Variants in MRPS6 observed in about 807,000 individuals in gnomAD.
MRPS6 encodes the protein mitochondrial ribosomal protein S6, also known as small ribosomal subunit protein bS6m.
A neutral mutation model predicts 13.1 loss-of-function variants in MRPS6; 6 were observed. That is an observed-to-expected ratio of 0.46 (90% CI 0.25 to 0.91). MRPS6 has a LOEUF of 0.91. MRPS6 is among the 40% of genes least tolerant of loss of function. The pLI is 0.18. For missense variants in MRPS6, 164 were observed against 155.6 expected (o/e 1.05, Z -0.29); for synonymous variants, 61 against 56.5 (o/e 1.08, Z -0.36).
intron 1 of MRPS6, chr21:34,106,089 T>A (rs543331053): frequency 1.8e-5 from 18 of 999,276 alleles, no homozygotes; most frequent in Non-Finnish European, 2.1e-5. Flanking sequence ...CTGTGTGTTA[T>A]TTTGCCAGCT....
chr21:34,099,578 C>A (rs575825619), intron 1 of MRPS6: 4 of 999,238 alleles, frequency 4.0e-6, no homozygotes, highest in Non-Finnish European at 4.8e-6. Flanking sequence ...CCATATCCAG[C>A]GTAAATGAAT....
intron 1 of MRPS6, among the ~76,000 whole-genome samples, chr21:34,091,419 T>G (rs1455380822): frequency 6.6e-6 from 1 of 152,166 alleles, no homozygotes; most frequent in Non-Finnish European, 1.5e-5. Flanking sequence ...AGTTCCAGAA[T>G]AAGTTTCTGG....
At chr21:34,132,190 G>A (rs1390695386) in intron 2 of MRPS6, among the ~76,000 whole-genome samples, 1 of 152,202 alleles carries the variant, frequency 6.6e-6, no homozygotes, top group Non-Finnish European at 1.5e-5. Context: ...AAGAGGTCGG[G>A]AGGGGGTTGG....
intron 1 of MRPS6, among the ~76,000 whole-genome samples, chr21:34,088,987 G>A (rs774944677): frequency 2.0e-5 from 3 of 152,004 alleles, no homozygotes; most frequent in Non-Finnish European, 4.4e-5. Context: ...CAAATGTTTG[G>A]TTAAGATTAC....
At chr21:34,074,352 C>G (rs1270712547) in intron 1 of MRPS6, among the ~76,000 whole-genome samples, 4 of 152,202 alleles carry the variant, frequency 2.6e-5, no homozygotes, top group African/African-American at 4.8e-5. Context: ...TTTGACTTTT[C>G]TTTTTCTGAC....
At position 34,142,587 on chromosome 21, in the gene MRPS6, AGAG is replaced by A; in HGVS notation, c.368_370del (p.Arg123del). 1 of 1,602,488 alleles carries A rather than the reference AGAG, an allele frequency of 6.2e-7. No individual in the cohort carries two copies. On this transcript the variant is annotated inframe_deletion, in exon 3 of 3. Transcript: ENST00000399312. Reference sequence around the variant, plus strand: ...GCAGAAAAATTATATTCCACAAAGAAGAGGAAGAAGTGAGAAGATTCGCCAGAT... The same window carrying A: ...GCAGAAAAATTATATTCCACAAAGAAGAAGAAGTGAGAAGATTCGCCAGAT...
At chr21:34,074,257 C>T (rs1989267254) in intron 1 of MRPS6, among the ~76,000 whole-genome samples, 1 of 151,848 alleles carries the variant, frequency 6.6e-6, no homozygotes, top group African/African-American at 2.4e-5. Context: ...ACGTCCGCGC[C>T]CAATAAAGCG....
At chr21:34,092,290 T>G (rs1194237780) in intron 1 of MRPS6, among the ~76,000 whole-genome samples, 1 of 152,332 alleles carries the variant, frequency 6.6e-6, no homozygotes, top group African/African-American at 2.4e-5. Flanking sequence ...TTGACCTGTT[T>G]TTGGTTTTGT....
At chr21:34,082,512 G>T (rs1989482077) in intron 1 of MRPS6, among the ~76,000 whole-genome samples, 1 of 152,032 alleles carries the variant, frequency 6.6e-6, no homozygotes. Context: ...GGCATGCAAA[G>T]ATTGCTTTGC....
chr21:34,136,050 G>T, intron 2 of MRPS6: 1 of 255,914 alleles, frequency 3.9e-6, no homozygotes. Context: ...ACCACTGCTG[G>T]TGCTGTCTCC....
chr21:34,126,154 A>G (rs1047852448), intron 2 of MRPS6, among the ~76,000 whole-genome samples: 1 of 151,898 alleles, frequency 6.6e-6, no homozygotes, highest in Non-Finnish European at 1.5e-5. Context: ...GTCCAAGAGT[A>G]GAAGAGTCAG....
At chr21:34,102,115 A>G (rs1169495302) in intron 1 of MRPS6, 7 of 1,000,010 alleles carry the variant, frequency 7.0e-6, no homozygotes, top group Non-Finnish European at 6.0e-6. Context: ...TCTTCTGTCA[A>G]GGTCACTTAA....
chr21:34,101,286 C>G (rs1459554299), intron 1 of MRPS6: 1 of 1,000,192 alleles, frequency 1.0e-6, no homozygotes, highest in East Asian at 1.1e-4. Context: ...TTAAACTCCT[C>G]CCCATATAAA....
Position 34,073,677 on chromosome 21 carries a change from G to A in MRPS6, c.-24G>A, listed in dbSNP as rs1039111917. ...GTCCCGGGAACCGGCTGGCTTCCGA[G>A]CCGCACTCGCCGATCCTCCAGGCAT... On this transcript the variant is annotated 5_prime_UTR_variant, in exon 1 of 3. Coordinates refer to ENST00000399312, the MANE Select transcript of MRPS6 (RefSeq NM_032476.4). 1 of 1,515,122 alleles carries A rather than the reference G, an allele frequency of 6.6e-7. No individual in the cohort carries two copies. Among genetic ancestry groups the A allele is most frequent in the Non-Finnish European group, 8.9e-7 (1 of 1,123,864 alleles). The allele number at this position is 1,515,122 out of a possible 1,614,324, so 93.9% of individuals were successfully genotyped here. A position where few individuals can be genotyped will look rare whatever the true frequency, so the allele number is the denominator to read the frequency against.
chr21:34,104,284 T>C (rs1979378510), intron 1 of MRPS6: 1 of 999,996 alleles, frequency 1.0e-6, no homozygotes, highest in African/African-American at 1.7e-5. Context: ...ATTAACCCTC[T>C]TCTAGTCTAG....
intron 2 of MRPS6, among the ~76,000 whole-genome samples, chr21:34,131,545 A>G (rs1448545665): frequency 6.6e-6 from 1 of 151,868 alleles, no homozygotes; most frequent in Non-Finnish European, 1.5e-5. Flanking sequence ...TTCCAAGGCC[A>G]TTTTTTCAGC....
chr21:34,130,415 C>G (rs1052369582), intron 2 of MRPS6, among the ~76,000 whole-genome samples: 4 of 152,168 alleles, frequency 2.6e-5, no homozygotes, highest in Non-Finnish European at 5.9e-5. Context: ...GGGGCTAGGC[C>G]TCTCCAGGGG....
intron 2 of MRPS6, among the ~76,000 whole-genome samples, chr21:34,139,190 G>A (rs1204022956): frequency 9.3e-6 from 1 of 107,282 alleles, no homozygotes; most frequent in Non-Finnish European, 1.8e-5. Flanking sequence ...CTGTTGTGGG[G>A]TGGGGGGAGG....
intron 2 of MRPS6, among the ~76,000 whole-genome samples, chr21:34,130,032 G>A (rs957728382): frequency 6.6e-6 from 1 of 152,202 alleles, no homozygotes; most frequent in Non-Finnish European, 1.5e-5. Flanking sequence ...GACGGTCTAG[G>A]AACTGGCATT....
Sources: allele counts gnomAD v4.1 joint callset (sites outside exome capture counted in the v4.1 genomes callset), GRCh38; gene constraint gnomAD v4.1.1; transcripts MANE v1.5; gene names NCBI Gene and HGNC (gene_info 2026-07-23, HGNC 2026-07-21).